Variants in EXOC6B observed in about 807,000 individuals in gnomAD.
EXOC6B encodes SEC15 homolog B.
In EXOC6B, 54 loss-of-function variants were observed where a neutral mutation model predicts 113.5. That is an observed-to-expected ratio of 0.48 (90% CI 0.38 to 0.60). The LOEUF (loss-of-function observed/expected upper bound fraction) is 0.60, where lower values mean the gene tolerates loss of function less well. Among genes scored for constraint, EXOC6B ranks in the 20% least tolerant of loss-of-function variants. The pLI is 0.00. For missense variants in EXOC6B, 797 were observed against 977.5 expected, an observed-to-expected ratio of 0.82 and a Z score of 2.46; for synonymous variants, 357 against 339.0, an observed-to-expected ratio of 1.05 and a Z score of -0.58.
At chr2:72,523,718 T>C (rs892099799) in intron 8 of EXOC6B, among the ~76,000 whole-genome samples, 8 of 142,136 alleles carry the variant, frequency 5.6e-5, no homozygotes, top group Non-Finnish European at 4.5e-5. Context: ...GAGGCGGAGC[T>C]TGCCATGAGC....
intron 2 of EXOC6B, among the ~76,000 whole-genome samples, chr2:72,737,851 C>CA (rs1034464575): frequency 1.7e-3 from 248 of 147,026 alleles, no homozygotes; most frequent in African/African-American, 5.6e-3. Flanking sequence ...GACTCTGTCT[C>CA]AAAAAAAAAA....
intron 1 of EXOC6B, among the ~76,000 whole-genome samples, chr2:72,757,482 A>G (rs1337473338): frequency 6.6e-6 from 1 of 152,176 alleles, no homozygotes; most frequent in African/African-American, 2.4e-5. Context: ...AGCAACAGCT[A>G]TCTCCCCAAA....
intron 11 of EXOC6B, among the ~76,000 whole-genome samples, chr2:72,505,890 G>T (rs1186060809): frequency 2.6e-5 from 4 of 152,016 alleles, no homozygotes; most frequent in Non-Finnish European, 5.9e-5. Flanking sequence ...CTACTGAAAT[G>T]ACTATATATT....
At chr2:72,259,959 C>A (rs1433293324) in intron 20 of EXOC6B, among the ~76,000 whole-genome samples, 1 of 151,830 alleles carries the variant, frequency 6.6e-6, no homozygotes, top group Non-Finnish European at 1.5e-5. Flanking sequence ...GGCTGAGGTG[C>A]GAGGATGACT....
intron 20 of EXOC6B, among the ~76,000 whole-genome samples, chr2:72,235,868 G>A (rs1456883842): frequency 6.6e-6 from 1 of 151,832 alleles, no homozygotes; most frequent in Non-Finnish European, 1.5e-5. Flanking sequence ...TTTATAATAC[G>A]CCACTTTGCA....
intron 20 of EXOC6B, among the ~76,000 whole-genome samples, chr2:72,315,244 G>A (rs1314064483): frequency 6.6e-6 from 1 of 152,118 alleles, no homozygotes; most frequent in African/African-American, 2.4e-5. Flanking sequence ...GCCTTGAGAT[G>A]GGAGTGTACC....
chr2:72,520,930 C>T (rs887914031), intron 8 of EXOC6B, among the ~76,000 whole-genome samples: 9 of 152,082 alleles, frequency 5.9e-5, no homozygotes, highest in Non-Finnish European at 1.0e-4. Flanking sequence ...TTCCCCAATT[C>T]CCCAATTCCC....
At chr2:72,247,718 A>G (rs984932502) in intron 20 of EXOC6B, among the ~76,000 whole-genome samples, 5 of 152,132 alleles carry the variant, frequency 3.3e-5, no homozygotes, top group South Asian at 2.1e-4. Context: ...AAAAATGGGA[A>G]ATTTGCAAAT....
intron 8 of EXOC6B, among the ~76,000 whole-genome samples, chr2:72,538,940 G>C (rs1281564048): frequency 6.6e-6 from 1 of 152,116 alleles, no homozygotes; most frequent in Non-Finnish European, 1.5e-5. Flanking sequence ...GCTTGAGCTG[G>C]GAATAGGCAT....
intron 6 of EXOC6B, among the ~76,000 whole-genome samples, chr2:72,713,027 CAACA>C (rs975821628): frequency 3.9e-5 from 6 of 152,066 alleles, no homozygotes; most frequent in African/African-American, 1.4e-4. Context: ...TAAAATTGAA[CAACA>C]AACAGTTTGA....
At chr2:72,463,986 G>T (rs1363281144) in intron 18 of EXOC6B, 1 of 152,160 alleles carries the variant, frequency 6.6e-6, no homozygotes, top group Non-Finnish European at 1.5e-5. Context: ...GAACAAGGCA[G>T]CTCTCTGAAG....
At chr2:72,659,311 G>A (rs1674835154) in intron 6 of EXOC6B, among the ~76,000 whole-genome samples, 1 of 151,968 alleles carries the variant, frequency 6.6e-6, no homozygotes, top group Non-Finnish European at 1.5e-5. Context: ...TAACTCTCAT[G>A]GGATCTCTTG....
At chr2:72,226,745 C>T (rs969973353) in intron 20 of EXOC6B, among the ~76,000 whole-genome samples, 1 of 152,208 alleles carries the variant, frequency 6.6e-6, no homozygotes, top group African/African-American at 2.4e-5. Context: ...TCTGGCAGCA[C>T]TTATGAAGGG....
intron 6 of EXOC6B, among the ~76,000 whole-genome samples, chr2:72,635,448 T>C (rs1403972550): frequency 6.6e-6 from 1 of 152,046 alleles, no homozygotes; most frequent in East Asian, 1.9e-4. Flanking sequence ...ACATATAAAT[T>C]TGACAAAGTA....
chr2:72,433,144 A>G (rs897030946), intron 18 of EXOC6B, among the ~76,000 whole-genome samples: 1 of 152,212 alleles, frequency 6.6e-6, no homozygotes, highest in Non-Finnish European at 1.5e-5. Flanking sequence ...CAGTTTTCCC[A>G]ACATCATTTA....
At chr2:72,528,007 T>G (rs1701819750) in intron 8 of EXOC6B, among the ~76,000 whole-genome samples, 1 of 152,046 alleles carries the variant, frequency 6.6e-6, no homozygotes, top group Non-Finnish European at 1.5e-5. Context: ...TCTTTTACCC[T>G]CAGCAGAGTC....
chr2:72,353,309 A>C lies in EXOC6B; in HGVS notation c.2123-18289T>G, dbSNP rs1430026634. ...AATGCTTCTATGTGTTTTCAAGCAA[A>C]TTACAAGGATCAATCCCCATAATGA... On this transcript the variant is annotated intron_variant, in intron 19 of 21. Coordinates refer to ENST00000272427, the MANE Select transcript of EXOC6B (RefSeq NM_015189.3). 2.1e-5 allele frequency among the ~76,000 whole-genome samples: 3 copies of C among 145,662 alleles called. No individual in the cohort carries two copies. The East Asian group carries it at 5.8e-4, about 28-fold the overall frequency.
chr2:72,545,811 G>A (rs1421083273), intron 8 of EXOC6B, among the ~76,000 whole-genome samples: 1 of 152,120 alleles, frequency 6.6e-6, no homozygotes, highest in African/African-American at 2.4e-5. Context: ...AACTTCAGTA[G>A]CATTTTAGAC....
At chr2:72,194,787 G>A (rs1679068582) in intron 20 of EXOC6B, among the ~76,000 whole-genome samples, 1 of 152,070 alleles carries the variant, frequency 6.6e-6, no homozygotes, top group Non-Finnish European at 1.5e-5. Context: ...GGTAGAGAGA[G>A]GTTCCAAATT....
Sources: gnomAD v4.1 joint callset for allele counts (sites outside exome capture counted in the v4.1 genomes callset) on GRCh38, gnomAD v4.1.1 for gene constraint, MANE v1.5 for transcripts, NCBI Gene and HGNC (gene_info 2026-07-23, HGNC 2026-07-21) for gene names.